SENP7: variants seen among roughly 807,000 people sequenced by gnomAD.
SENP7 encodes the protein sentrin-specific protease 7.
A neutral mutation model predicts 141.2 loss-of-function variants in SENP7; 64 were observed. The ratio of observed to expected loss-of-function variants is 0.45; its 90% CI spans 0.37 to 0.56. The LOEUF (loss-of-function observed/expected upper bound fraction) is 0.56. Ranked by LOEUF, SENP7 falls within the 20% of genes least tolerant of loss-of-function variation. The probability of loss-of-function intolerance (pLI) is 0.00; values close to 1 mark genes in which losing one functional copy is unlikely to be tolerated. For synonymous variants in SENP7, 382 were observed against 426.4 expected (o/e 0.90, Z 1.28); for missense variants, 1,025 against 1,212.2 (o/e 0.85, Z 2.29).
At position 101,340,175 on chromosome 3, in the gene SENP7, TC is replaced by T; in HGVS notation, c.2276del (p.Gly759AspfsTer2). 1 of 1,601,200 alleles carries T rather than the reference TC, an allele frequency of 6.2e-7. No individual in the cohort carries two copies. Among genetic ancestry groups the T allele is most frequent in the South Asian group, 1.1e-5 (1 of 88,244 alleles). ...IVYPPPPTKG[G>X]LGVTNEDLEC... ...CCAGATCTTCATTAGTTACTCCTAA[TC>T]CCCCCTTAGTAGGTGGTGGAGGATA... On this transcript the variant is annotated frameshift_variant, in exon 16 of 24. Coordinates refer to ENST00000394095, the MANE Select transcript of SENP7 (RefSeq NM_020654.5). LOFTEE classifies it high-confidence loss of function.
At chr3:101,357,828 A>G (rs2059784100) in intron 11 of SENP7, 13 of 582,158 alleles carry the variant, frequency 2.2e-5, no homozygotes, top group South Asian at 2.1e-4. Flanking sequence ...GAAAGTTCAT[A>G]CTGGAGAGAA....
At chr3:101,381,634 A>G (rs2060505948) in intron 6 of SENP7, among the ~76,000 whole-genome samples, 1 of 152,084 alleles carries the variant, frequency 6.6e-6, no homozygotes, top group Non-Finnish European at 1.5e-5. Context: ...ATTATTTTGA[A>G]AAGAGTGATA....
chr3:101,481,370 T>C (rs867292705), intron 3 of SENP7, among the ~76,000 whole-genome samples: 1 of 152,142 alleles, frequency 6.6e-6, no homozygotes, highest in African/African-American at 2.4e-5. Context: ...TTATGTTAAG[T>C]GAAGTAAGCC....
intron 3 of SENP7, among the ~76,000 whole-genome samples, chr3:101,463,375 A>ATG (rs1553744653): frequency 1.2e-5 from 1 of 86,744 alleles, no homozygotes; most frequent in Admixed American, 1.2e-4. Context: ...ATATATATAT[A>ATG]TATATATATA....
At chr3:101,488,639 C>T (rs1390089013) in intron 3 of SENP7, among the ~76,000 whole-genome samples, 4 of 152,094 alleles carry the variant, frequency 2.6e-5, no homozygotes, top group African/African-American at 4.8e-5. Flanking sequence ...CTCAGAAGTT[C>T]GAGACCAGCC....
At chr3:101,415,355 GAAGCAT>G (rs1267009219) in intron 5 of SENP7, among the ~76,000 whole-genome samples, 1 of 152,200 alleles carries the variant, frequency 6.6e-6, no homozygotes. Context: ...CTAATTACGG[GAAGCAT>G]AATTACTGCC....
chr3:101,398,120 T>C (rs1218453991), intron 6 of SENP7, among the ~76,000 whole-genome samples: 1 of 152,208 alleles, frequency 6.6e-6, no homozygotes. Context: ...AAAAACTATT[T>C]ACTGAGCACT....
intron 23 of SENP7, among the ~76,000 whole-genome samples, chr3:101,326,290 GA>G (rs575026214): frequency 7.2e-4 from 110 of 152,138 alleles, no homozygotes; most frequent in African/African-American, 2.4e-3. Context: ...AAGGGTATGA[GA>G]GGGGCAGAAC....
chr3:101,445,785 A>G (rs1441703675), intron 4 of SENP7, among the ~76,000 whole-genome samples: 2 of 152,248 alleles, frequency 1.3e-5, no homozygotes, highest in African/African-American at 4.8e-5. Flanking sequence ...AAAAACTTAC[A>G]AAGAAACAAA....
At chr3:101,450,570 C>A (rs547740488) in intron 4 of SENP7, among the ~76,000 whole-genome samples, 2 of 152,296 alleles carry the variant, frequency 1.3e-5, no homozygotes, top group African/African-American at 4.8e-5. Flanking sequence ...CACTCAAAAC[C>A]ACTCAACTAC....
intron 4 of SENP7, among the ~76,000 whole-genome samples, chr3:101,439,168 G>A (rs1382879172): frequency 9.5e-6 from 1 of 105,406 alleles, no homozygotes; most frequent in African/African-American, 3.5e-5. Flanking sequence ...GATGTGGGGA[G>A]CGCCTCTGCC....
intron 4 of SENP7, among the ~76,000 whole-genome samples, chr3:101,447,460 C>T (rs897597903): frequency 2.0e-5 from 3 of 151,732 alleles, no homozygotes; most frequent in Non-Finnish European, 4.4e-5. Context: ...TAAATAAATA[C>T]AAATCTAAAA....
intron 19 of SENP7, 141 bp downstream of exon 19, chr3:101,331,844 A>C: frequency 1.2e-6 from 1 of 808,496 alleles, no homozygotes; most frequent in Non-Finnish European, 1.9e-6. Flanking sequence ...ATCATTAAAA[A>C]TTTCAGATTT....
Position 101,387,292 on chromosome 3 carries a change from G to A in SENP7, c.677+11569C>T, listed in dbSNP as rs1221656793. On this transcript the variant is annotated intron_variant, in intron 6 of 23. Coordinates refer to ENST00000394095, the MANE Select transcript of SENP7 (RefSeq NM_020654.5). ...CCAGTACCAGCACATACCATTGAGA[G>A]GCCTGACAATAGGCCTACCCCACCC... Among the ~76,000 whole-genome samples, 5 of 152,034 alleles carry A rather than the reference G, an allele frequency of 3.3e-5. No individual in the cohort carries two copies. The East Asian group carries it at 7.7e-4, about 23-fold the overall frequency.
At chr3:101,458,568 T>G (rs2063436023) in intron 4 of SENP7, 1 of 161,206 alleles carries the variant, frequency 6.2e-6, no homozygotes, top group African/African-American at 2.4e-5. Context: ...ACCAGTTGAT[T>G]ACAAGTTGCA....
intron 3 of SENP7, among the ~76,000 whole-genome samples, chr3:101,460,912 C>T (rs995637757): frequency 6.6e-6 from 1 of 151,094 alleles, no homozygotes; most frequent in African/African-American, 2.4e-5. Flanking sequence ...GCCTGGGCAA[C>T]ATAGTAAGAC....
At chr3:101,339,070 T>C (rs1481705796) in intron 16 of SENP7, among the ~76,000 whole-genome samples, 2 of 152,124 alleles carry the variant, frequency 1.3e-5, no homozygotes, top group African/African-American at 4.8e-5. Flanking sequence ...GAAAATAATA[T>C]TAAAACAATT....
chr3:101,458,497 T>C (rs1209943398), intron 4 of SENP7: 1 of 153,494 alleles, frequency 6.5e-6, no homozygotes, highest in Non-Finnish European at 1.5e-5. Context: ...ACACTATGAC[T>C]ATAGGACCAT....
chr3:101,443,572 C>G (rs2062765733), intron 4 of SENP7, among the ~76,000 whole-genome samples: 1 of 151,646 alleles, frequency 6.6e-6, no homozygotes, highest in African/African-American at 2.4e-5. Flanking sequence ...TTGATTCTTC[C>G]TACCCATGAG....
Sources: gnomAD v4.1 joint callset for allele counts (sites outside exome capture counted in the v4.1 genomes callset) on GRCh38, gnomAD v4.1.1 for gene constraint, MANE v1.5 for transcripts, NCBI Gene and HGNC (gene_info 2026-07-23, HGNC 2026-07-21) for gene names.